Variants in STXBP6 observed in about 807,000 individuals in gnomAD.
The protein encoded by STXBP6 is syntaxin-binding protein 6.
A neutral mutation model predicts 26.9 loss-of-function variants in STXBP6; 21 were observed. That is an observed-to-expected ratio of 0.78 (90% CI 0.55 to 1.12). The LOEUF (loss-of-function observed/expected upper bound fraction) is 1.12. STXBP6 is among the 50% of genes most tolerant of loss of function. The pLI is 0.00. For missense variants in STXBP6, 232 were observed against 257.9 expected (o/e 0.90, Z 0.69); for synonymous variants, 97 against 92.6 (o/e 1.05, Z -0.27).
At chr14:24,999,551 C>T (rs1460906101) in intron 1 of STXBP6, among the ~76,000 whole-genome samples, 1 of 151,990 alleles carries the variant, frequency 6.6e-6, no homozygotes, top group Non-Finnish European at 1.5e-5. Context: ...AATGGGATGG[C>T]GTATTATGTG....
intron 2 of STXBP6, among the ~76,000 whole-genome samples, chr14:24,871,967 T>A (rs2069952506): frequency 6.6e-6 from 1 of 152,206 alleles, no homozygotes; most frequent in East Asian, 1.9e-4. Flanking sequence ...CAGACCTCCA[T>A]GGCCAACAGA....
intron 2 of STXBP6, among the ~76,000 whole-genome samples, chr14:24,942,036 T>C (rs1043094582): frequency 2.0e-5 from 3 of 152,176 alleles, no homozygotes; most frequent in Admixed American, 6.5e-5. Context: ...AGATTGCAAA[T>C]AGGTGAACTG....
intron 2 of STXBP6, among the ~76,000 whole-genome samples, chr14:24,951,923 G>A (rs1374271035): frequency 6.6e-6 from 1 of 151,634 alleles, no homozygotes; most frequent in Non-Finnish European, 1.5e-5. Context: ...TACACATCAG[G>A]CAATTGGGAA....
chr14:24,846,372 T>C (rs1244054761), intron 4 of STXBP6, among the ~76,000 whole-genome samples: 2 of 152,210 alleles, frequency 1.3e-5, no homozygotes, highest in Admixed American at 6.5e-5. Flanking sequence ...CATATTTTTC[T>C]TTCTGTTTGT....
chr14:24,913,011 T>G (rs1433174798), intron 2 of STXBP6, among the ~76,000 whole-genome samples: 1 of 152,180 alleles, frequency 6.6e-6, no homozygotes, highest in Admixed American at 6.6e-5. Flanking sequence ...TTTGCAATCC[T>G]GAGTTATGAG....
intron 1 of STXBP6, among the ~76,000 whole-genome samples, chr14:24,999,681 G>T (rs918126513): frequency 6.6e-6 from 1 of 152,080 alleles, no homozygotes; most frequent in African/African-American, 2.4e-5. Context: ...TTTTGGGGGT[G>T]CCACTACCCC....
chr14:24,990,168 C>T (rs1025382779), intron 1 of STXBP6, among the ~76,000 whole-genome samples: 3 of 152,100 alleles, frequency 2.0e-5, no homozygotes, highest in African/African-American at 7.2e-5. Context: ...AAATGAGTTA[C>T]GAGCCAGGCC....
intron 2 of STXBP6, among the ~76,000 whole-genome samples, chr14:24,858,286 A>G (rs1271230676): frequency 6.6e-6 from 1 of 152,070 alleles, no homozygotes; most frequent in Admixed American, 6.6e-5. Context: ...TTGCAGTTTC[A>G]TTGTCGGGGG....
chr14:24,892,035 T>C (rs1372376085), intron 2 of STXBP6, among the ~76,000 whole-genome samples: 1 of 152,204 alleles, frequency 6.6e-6, no homozygotes, highest in Non-Finnish European at 1.5e-5. Flanking sequence ...GTACTTTTCT[T>C]TCCTGGTAAG....
intron 2 of STXBP6, among the ~76,000 whole-genome samples, chr14:24,964,683 A>T (rs775144508): frequency 1.2e-5 from 1 of 82,362 alleles, no homozygotes; most frequent in Non-Finnish European, 2.5e-5. Flanking sequence ...GTGTGTGTGT[A>T]TGTAAAGGAA....
intron 2 of STXBP6, among the ~76,000 whole-genome samples, chr14:24,941,534 C>T (rs975484032): frequency 6.6e-6 from 1 of 152,098 alleles, no homozygotes; most frequent in Non-Finnish European, 1.5e-5. Context: ...AAAAGGGTGG[C>T]TAGAAATGAG....
chr14:24,870,709 T>A (rs2069897731), intron 2 of STXBP6, among the ~76,000 whole-genome samples: 1 of 152,188 alleles, frequency 6.6e-6, no homozygotes, highest in South Asian at 2.1e-4. Flanking sequence ...TTAAATGGTC[T>A]CCAGTTTTCT....
chr14:24,820,972 A>T (rs2068117492), intron 4 of STXBP6, among the ~76,000 whole-genome samples: 1 of 152,208 alleles, frequency 6.6e-6, no homozygotes, highest in Admixed American at 6.5e-5. Context: ...TTATTTCCCA[A>T]GGTAACGCCT....
intron 2 of STXBP6, among the ~76,000 whole-genome samples, chr14:24,888,177 T>G (rs930326332): frequency 4.6e-5 from 7 of 152,162 alleles, no homozygotes; most frequent in African/African-American, 1.7e-4. Context: ...ACTAAGGAGA[T>G]TATCTTTTAA....
chr14:24,970,943 G>A (rs139643550), intron 2 of STXBP6, among the ~76,000 whole-genome samples: 1 of 152,300 alleles, frequency 6.6e-6, no homozygotes, highest in East Asian at 1.9e-4. Context: ...GTTAATCACA[G>A]AGGCATCTCA....
intron 1 of STXBP6, among the ~76,000 whole-genome samples, chr14:25,012,400 G>A (rs1332072472): frequency 6.6e-6 from 1 of 152,118 alleles, no homozygotes; most frequent in African/African-American, 2.4e-5. Flanking sequence ...AGGCCGAGGT[G>A]GGGGTACTCG....
rs565373724 is a variant in STXBP6 at position 24,967,553 on chromosome 14, A to G, written c.154+7112T>C. Reference sequence around the variant, plus strand: ...CAAATGCTCAATAAATGGTATAACAAAGGATATTGCATATTTATAAAATTA... The same window carrying G: ...CAAATGCTCAATAAATGGTATAACAGAGGATATTGCATATTTATAAAATTA... On this transcript the variant is annotated intron_variant, in intron 2 of 5. Coordinates refer to ENST00000323944, the MANE Select transcript of STXBP6 (RefSeq NM_001394410.1). Among the ~76,000 whole-genome samples, 3 of 152,370 alleles carry G rather than the reference A, an allele frequency of 2.0e-5. No homozygotes were observed. In the South Asian group the frequency reaches 6.2e-4, roughly 32 times the overall value.
intron 2 of STXBP6, among the ~76,000 whole-genome samples, chr14:24,892,064 T>C (rs999563655): frequency 4.6e-5 from 7 of 152,206 alleles, no homozygotes; most frequent in African/African-American, 7.2e-5. Flanking sequence ...TATATAACTA[T>C]ATATGTTTGA....
rs959952071 is a variant in STXBP6 at position 25,011,027 on chromosome 14, T to C, written c.-32-36177A>G. On this transcript the variant is annotated intron_variant, in intron 1 of 5. Transcript: ENST00000323944. ...ATCTAAATGCAACTAATTACTTAAA[T>C]CAGATATTGAGACCGTTTCACAATG... Among the ~76,000 whole-genome samples, 5 of 152,176 alleles carry C rather than the reference T, an allele frequency of 3.3e-5. 1 individual carries two copies. The highest frequency in any genetic ancestry group is 7.3e-5 in the Non-Finnish European group (5 of 68,040).
Sources: gnomAD v4.1 joint callset for allele counts (sites outside exome capture counted in the v4.1 genomes callset) on GRCh38, gnomAD v4.1.1 for gene constraint, MANE v1.5 for transcripts, NCBI Gene and HGNC (gene_info 2026-07-23, HGNC 2026-07-21) for gene names.